Variants in SEC63 observed in about 807,000 individuals in gnomAD.
SEC63 encodes translocation protein SEC63 homolog.
SEC63 carries 56 observed loss-of-function variants against 116.2 expected under a neutral mutation model. The observed-to-expected ratio is 0.48, with a 90% confidence interval of 0.39 to 0.60. The LOEUF (loss-of-function observed/expected upper bound fraction) is 0.60. SEC63 is among the 20% of genes least tolerant of loss of function. SEC63 has a pLI of 0.00. For synonymous variants in SEC63, 273 were observed against 294.6 expected, an observed-to-expected ratio of 0.93 and a Z score of 0.75; for missense variants, 668 against 900.0, an observed-to-expected ratio of 0.74 and a Z score of 3.30.
At chr6:107,925,078 C>A in intron 2 of SEC63, 146 bp from the exon 3 acceptor site, 1 of 683,932 alleles carries the variant, frequency 1.5e-6, no homozygotes, top group Admixed American at 2.1e-5. Flanking sequence ...GGGTTACAAA[C>A]TCCTGTTACA....
chr6:107,883,486 G>A lies in SEC63; in HGVS notation c.1675-340C>T, dbSNP rs945542992. 11 of 239,490 alleles carry A rather than the reference G, an allele frequency of 4.6e-5. No homozygotes were observed. In the South Asian group the frequency reaches 6.1e-4, roughly 13 times the overall value. 14.8% of individuals were successfully genotyped at this position (239,490 alleles called of 1,614,324 possible). The stretch of plus-strand genomic sequence containing the variant: ...AATCATATTTTATTTAAGGAAACAG[G>A]TAGTTTATAGAAAAGTATAATTTTG... On this transcript the variant is annotated intron_variant, in intron 16 of 20. Transcript: ENST00000369002.
At chr6:107,901,871 T>A (rs1583741668) in intron 12 of SEC63, among the ~76,000 whole-genome samples, 1 of 152,162 alleles carries the variant, frequency 6.6e-6, no homozygotes, top group Non-Finnish European at 1.5e-5. Context: ...TAGCAATTAA[T>A]AGGTTTACTA....
chr6:107,898,156 C>A (rs1160262003), intron 13 of SEC63, among the ~76,000 whole-genome samples: 1 of 151,010 alleles, frequency 6.6e-6, no homozygotes, highest in African/African-American at 2.4e-5. Context: ...CTCAGCTAGT[C>A]GGGAGGCTGA....
intron 1 of SEC63, among the ~76,000 whole-genome samples, chr6:107,948,824 C>G (rs1435237090): frequency 6.6e-6 from 1 of 152,188 alleles, no homozygotes; most frequent in Non-Finnish European, 1.5e-5. Context: ...AGACCCTTCA[C>G]AAGATAATGT....
chr6:107,932,561 A>C (rs1787835902), intron 1 of SEC63, among the ~76,000 whole-genome samples: 1 of 152,210 alleles, frequency 6.6e-6, no homozygotes, highest in Non-Finnish European at 1.5e-5. Flanking sequence ...TGAATAAGTT[A>C]ATATATTAAA....
At chr6:107,893,678 C>T (rs566716235) in intron 15 of SEC63, 23 bp from the exon 16 acceptor site, 1 of 1,613,520 alleles carries the variant, frequency 6.2e-7, no homozygotes, top group Non-Finnish European at 8.5e-7. Context: ...ACACGTCACA[C>T]TCTTAAGTTA....
intron 16 of SEC63, among the ~76,000 whole-genome samples, chr6:107,885,385 T>G (rs889870770): frequency 2.0e-5 from 3 of 152,124 alleles, no homozygotes; most frequent in African/African-American, 7.2e-5. Flanking sequence ...AATAAAAATT[T>G]TAATGACATT....
At chr6:107,907,046 T>G (rs1787164049) in intron 8 of SEC63, among the ~76,000 whole-genome samples, 1 of 152,212 alleles carries the variant, frequency 6.6e-6, no homozygotes, top group Admixed American at 6.5e-5. Flanking sequence ...TTAAAATCAC[T>G]GAAAGTTCCA....
intron 18 of SEC63, chr6:107,877,054 C>CAT (rs1236446088): frequency 7.7e-6 from 1 of 129,772 alleles, no homozygotes; most frequent in African/African-American, 6.9e-5. Flanking sequence ...GTGGAAGGAA[C>CAT]ATATATATAT....
intron 2 of SEC63, among the ~76,000 whole-genome samples, chr6:107,927,905 A>G (rs1031959325): frequency 6.6e-6 from 1 of 152,146 alleles, no homozygotes; most frequent in Non-Finnish European, 1.5e-5. Flanking sequence ...TTTCATTTAT[A>G]CTTTTAATTG....
At chr6:107,901,847 C>CA (rs1211081140) in intron 12 of SEC63, among the ~76,000 whole-genome samples, 1 of 151,920 alleles carries the variant, frequency 6.6e-6, no homozygotes, top group Admixed American at 6.6e-5. Flanking sequence ...ATTTTAATAA[C>CA]AAAAACCTTT....
At chr6:107,947,957 C>T (rs1245607882) in intron 1 of SEC63, among the ~76,000 whole-genome samples, 3 of 152,178 alleles carry the variant, frequency 2.0e-5, no homozygotes, top group Non-Finnish European at 4.4e-5. Context: ...TACCAAATAA[C>T]TTACAGGATA....
intron 19 of SEC63, among the ~76,000 whole-genome samples, chr6:107,876,354 A>G (rs1285483943): frequency 6.6e-6 from 1 of 152,218 alleles, no homozygotes; most frequent in Non-Finnish European, 1.5e-5. Context: ...ACAAATTTTT[A>G]AAACATTGAC....
chr6:107,937,123 A>ATTTTTTT (rs3062082), intron 1 of SEC63, among the ~76,000 whole-genome samples: 5 of 129,890 alleles, frequency 3.8e-5, no homozygotes, highest in Admixed American at 8.3e-5. Context: ...TATGTACCAC[A>ATTTTTTT]TTTTTTTTTT....
intron 1 of SEC63, among the ~76,000 whole-genome samples, chr6:107,937,289 G>C (rs1269136372): frequency 6.6e-6 from 1 of 151,824 alleles, no homozygotes; most frequent in African/African-American, 2.4e-5. Context: ...CACCCGGCTA[G>C]CTAATTTTGA....
chr6:107,911,611 C>T lies in SEC63; in HGVS notation c.574-215G>A, dbSNP rs570287336. ...CCTGCAGTACACATGGGTTACATAA[C>T]TTGTCCTAGGACACAGCTAGCAAAT... is the stretch of plus-strand genomic sequence containing the variant. On this transcript the variant is annotated intron_variant, in intron 6 of 20. Transcript: ENST00000369002. Among the ~76,000 whole-genome samples the T allele has an allele frequency of 6.6e-5, 10 of 152,334 alleles. No homozygotes were observed. The South Asian group carries it at 2.1e-3, about 32-fold the overall frequency.
intron 8 of SEC63, among the ~76,000 whole-genome samples, chr6:107,907,070 T>C (rs1403183754): frequency 6.6e-6 from 1 of 152,234 alleles, no homozygotes; most frequent in Non-Finnish European, 1.5e-5. Context: ...AAACTTTCTA[T>C]AGAACATCAG....
At position 107,870,344 on chromosome 6, in the gene SEC63, T is replaced by C. The variant is rs1786102607; in HGVS notation, c.*1360A>G. ...AATTTTCACATTTTATTTCCAACTA[T>C]TGCAGTAACAAGATGCCGGTAGTAT... On this transcript the variant is annotated 3_prime_UTR_variant, in exon 21 of 21. Transcript: ENST00000369002. 2 of 152,652 alleles carry C rather than the reference T, an allele frequency of 1.3e-5. No individual in the cohort carries two copies. Among genetic ancestry groups the C allele is most frequent in the South Asian group, 2.1e-4 (1 of 4,834 alleles). The allele number at this position is 152,652 out of a possible 1,614,324, so 9.5% of individuals were successfully genotyped here. A position where few individuals can be genotyped will look rare whatever the true frequency, so the allele number is the denominator to read the frequency against.
intron 19 of SEC63, among the ~76,000 whole-genome samples, chr6:107,874,818 C>A (rs1786224745): frequency 6.6e-6 from 1 of 151,978 alleles, no homozygotes; most frequent in African/African-American, 2.4e-5. Flanking sequence ...GCTGGGACTA[C>A]AGGCACAAGT....
Sources: allele counts gnomAD v4.1 joint callset (sites outside exome capture counted in the v4.1 genomes callset), GRCh38; gene constraint gnomAD v4.1.1; transcripts MANE v1.5; gene names NCBI Gene and HGNC (gene_info 2026-07-23, HGNC 2026-07-21).